The following HS6ST2 variants were observed in gnomAD, a reference collection of about 807,000 sequenced individuals.
HS6ST2 encodes heparan sulfate 6-O-sulfotransferase 2, also known as heparan-sulfate 6-O-sulfotransferase 2.
Under a neutral mutation model 33.0 loss-of-function variants are expected in HS6ST2, and 17 were observed. That is an observed-to-expected ratio of 0.52 (90% CI 0.35 to 0.77). HS6ST2 has a LOEUF of 0.77. HS6ST2 is among the 30% of genes least tolerant of loss of function. The pLI is 0.01. For missense variants in HS6ST2, 519 were observed against 551.7 expected (o/e 0.94, Z 0.59); for synonymous variants, 248 against 237.1 (o/e 1.05, Z -0.42).
At chrX:132,711,846 G>A (rs754751375) in intron 2 of HS6ST2, among the ~76,000 whole-genome samples, 2 of 111,236 alleles carry the variant, frequency 1.8e-5, no homozygotes, top group Admixed American at 1.9e-4. Context: ...AAGAAAAATC[G>A]AATTGATGAA....
chrX:132,795,059 C>T (rs1188842142), intron 2 of HS6ST2, among the ~76,000 whole-genome samples: 2 of 110,791 alleles, frequency 1.8e-5, no homozygotes, highest in Non-Finnish European at 3.8e-5. Context: ...GGTAATTAAA[C>T]TGGGAGACAT....
At chrX:132,709,153 C>T (rs1348295420) in intron 2 of HS6ST2, among the ~76,000 whole-genome samples, 1 of 112,116 alleles carries the variant, frequency 8.9e-6, no homozygotes, top group Non-Finnish European at 1.9e-5. Context: ...TTAAGGGTCA[C>T]AAAACACTCA....
intron 4 of HS6ST2, among the ~76,000 whole-genome samples, chrX:132,629,504 T>C (rs992668623): frequency 1.8e-5 from 2 of 112,164 alleles, no homozygotes; most frequent in African/African-American, 6.5e-5. Flanking sequence ...GATCATGAAA[T>C]GGAGACTCAT....
chrX:132,688,649 A>G (rs908231222), intron 3 of HS6ST2, among the ~76,000 whole-genome samples: 3 of 111,788 alleles, frequency 2.7e-5, no homozygotes, highest in Non-Finnish European at 5.6e-5. Flanking sequence ...AACCACCCCC[A>G]TGATTAAATT....
chrX:132,889,474 C>G (rs777007805), intron 2 of HS6ST2, among the ~76,000 whole-genome samples: 1 of 110,539 alleles, frequency 9.0e-6, no homozygotes, highest in African/African-American at 3.3e-5. Flanking sequence ...TCAAAGGGAA[C>G]GGTATGAAGA....
At chrX:132,652,845 T>C (rs1342412209) in intron 4 of HS6ST2, among the ~76,000 whole-genome samples, 1 of 111,043 alleles carries the variant, frequency 9.0e-6, no homozygotes, top group Non-Finnish European at 1.9e-5. Context: ...AGACATACCA[T>C]CCTGATTAAG....
intron 2 of HS6ST2, among the ~76,000 whole-genome samples, chrX:132,752,475 A>AG (rs1378559694): frequency 1.8e-5 from 2 of 108,326 alleles, no homozygotes; most frequent in Non-Finnish European, 3.8e-5. Flanking sequence ...CCGTCTCAAA[A>AG]AAAAAAAAAA....
chrX:132,677,908 C>T (rs1012498249), intron 3 of HS6ST2, among the ~76,000 whole-genome samples: 1 of 111,971 alleles, frequency 8.9e-6, no homozygotes, highest in Non-Finnish European at 1.9e-5. Flanking sequence ...GTTGGTCCTA[C>T]TTAACCAAGA....
At chrX:132,654,077 T>G (rs763064947) in intron 4 of HS6ST2, among the ~76,000 whole-genome samples, 1 of 111,283 alleles carries the variant, frequency 9.0e-6, no homozygotes, top group Non-Finnish European at 1.9e-5. Flanking sequence ...TGGCTAACAA[T>G]ACTTGATTTT....
chrX:132,804,811 T>C (rs2065266180), intron 2 of HS6ST2, among the ~76,000 whole-genome samples: 3 of 110,339 alleles, frequency 2.7e-5, no homozygotes, highest in Non-Finnish European at 3.8e-5. Flanking sequence ...AATAAATAAA[T>C]AAATAAAGGA....
chrX:132,758,573 T>C (rs1436615873), intron 2 of HS6ST2, among the ~76,000 whole-genome samples: 1 of 111,571 alleles, frequency 9.0e-6, no homozygotes, highest in Non-Finnish European at 1.9e-5. Flanking sequence ...CTTGATGACA[T>C]TGACCAAAGC....
intron 2 of HS6ST2, among the ~76,000 whole-genome samples, chrX:132,713,091 G>A (rs1222185641): frequency 9.0e-6 from 1 of 110,943 alleles, no homozygotes; most frequent in Admixed American, 9.6e-5. Context: ...TGCCTACACT[G>A]GTGATGATCA....
intron 2 of HS6ST2, among the ~76,000 whole-genome samples, chrX:132,786,097 G>A (rs1006898877): frequency 8.9e-6 from 1 of 112,136 alleles, no homozygotes; most frequent in Non-Finnish European, 1.9e-5. Context: ...GGGTTGTTCT[G>A]AGGGTTAAAT....
At chrX:132,661,399 C>G (rs2063771769) in intron 4 of HS6ST2, among the ~76,000 whole-genome samples, 1 of 110,335 alleles carries the variant, frequency 9.1e-6, no homozygotes, top group Non-Finnish European at 1.9e-5. Flanking sequence ...CTTCTGTTAT[C>G]TATTAGAAAT....
At chrX:132,656,281 TGA>T (rs1398373895) in intron 4 of HS6ST2, among the ~76,000 whole-genome samples, 1 of 110,380 alleles carries the variant, frequency 9.1e-6, no homozygotes, top group East Asian at 2.8e-4. Flanking sequence ...AAGGGGACTG[TGA>T]GATTGTCCAA....
chrX:132,775,423 C>T (rs1229403124), intron 2 of HS6ST2, among the ~76,000 whole-genome samples: 1 of 111,744 alleles, frequency 8.9e-6, no homozygotes, highest in Admixed American at 9.6e-5. Context: ...TCCTCTCACA[C>T]AATAAGAGGC....
chrX:132,912,693 A>G (rs1244717031), intron 2 of HS6ST2, among the ~76,000 whole-genome samples: 2 of 112,034 alleles, frequency 1.8e-5, no homozygotes, highest in South Asian at 3.7e-4. Flanking sequence ...ATGGGGCTCT[A>G]TTCTGCTTTT....
chrX:132,854,799 A>G (rs1048888708), intron 2 of HS6ST2, among the ~76,000 whole-genome samples: 2 of 112,077 alleles, frequency 1.8e-5, no homozygotes, highest in African/African-American at 6.5e-5. Context: ...CTCTGGACTC[A>G]ACTAACTAAA....
intron 2 of HS6ST2, among the ~76,000 whole-genome samples, chrX:132,943,198 T>C (rs769573344): frequency 6.3e-5 from 7 of 111,799 alleles, no homozygotes; most frequent in African/African-American, 6.5e-5. Flanking sequence ...TTACTTCAGG[T>C]CTCCATTCCA....
Sources: allele counts gnomAD v4.1 joint callset (sites outside exome capture counted in the v4.1 genomes callset), GRCh38; gene constraint gnomAD v4.1.1; transcripts MANE v1.5; gene names NCBI Gene and HGNC (gene_info 2026-07-23, HGNC 2026-07-21).